TMEM132C: variants seen among roughly 807,000 people sequenced by gnomAD.
The protein encoded by TMEM132C is transmembrane protein 132C.
In TMEM132C, 29 loss-of-function variants were observed where a neutral mutation model predicts 61.4. The observed-to-expected ratio is 0.47, with a 90% CI of 0.35 to 0.64. The LOEUF (loss-of-function observed/expected upper bound fraction) is 0.64, where lower values mean the gene tolerates loss of function less well. TMEM132C is among the 30% of genes least tolerant of loss of function. The probability of loss-of-function intolerance (pLI) is 0.00; values close to 1 mark genes in which losing one functional copy is unlikely to be tolerated. For missense variants in TMEM132C, 1,408 were observed against 1,476.9 expected (o/e 0.95, Z 0.76); for synonymous variants, 656 against 633.1 (o/e 1.04, Z -0.54).
At chr12:128,683,200 T>C (rs549307078) in intron 5 of TMEM132C, among the ~76,000 whole-genome samples, 24 of 152,284 alleles carry the variant, frequency 1.6e-4, no homozygotes, top group African/African-American at 5.8e-4. Flanking sequence ...GGCTAATATG[T>C]TCTGTCTGCC....
intron 1 of TMEM132C, among the ~76,000 whole-genome samples, chr12:128,371,058 A>G (rs535839196): frequency 1.4e-4 from 21 of 152,270 alleles, no homozygotes; most frequent in Non-Finnish European, 3.1e-4. Flanking sequence ...TCTAACCAGC[A>G]TGCACAGGAG....
At chr12:128,684,832 A>C (rs1260194338) in intron 5 of TMEM132C, among the ~76,000 whole-genome samples, 1 of 152,164 alleles carries the variant, frequency 6.6e-6, no homozygotes, top group Admixed American at 6.5e-5. Context: ...GCTATAATGC[A>C]CTTTAGTAAT....
chr12:128,542,147 CTG>C (rs1873781253), intron 2 of TMEM132C, among the ~76,000 whole-genome samples: 2 of 152,260 alleles, frequency 1.3e-5, no homozygotes, highest in South Asian at 4.1e-4. Context: ...TTGGTAGAAA[CTG>C]TGTTGGTTGT....
rs955381505 is a variant in TMEM132C, at chr12:128,338,534, G to A, written c.85+71047G>A. On this transcript the variant is annotated intron_variant, in intron 1 of 8. Coordinates refer to ENST00000435159, the MANE Select transcript of TMEM132C (RefSeq NM_001136103.3). The stretch of plus-strand genomic sequence containing the variant: ...GATCTTTGCCATTCTGCTCACCAGC[G>A]TGTCGCATGCCAAGGACAGAGCTGA... 4.6e-5 allele frequency among the ~76,000 whole-genome samples: 7 copies of A among 151,984 alleles called. No homozygotes were observed. In the East Asian group the frequency reaches 1.4e-3, roughly 29 times the overall value.
intron 2 of TMEM132C, among the ~76,000 whole-genome samples, chr12:128,441,544 G>A (rs908532178): frequency 2.6e-5 from 4 of 152,270 alleles, no homozygotes; most frequent in African/African-American, 4.8e-5. Flanking sequence ...TGGGAGACTC[G>A]GTGGCATGCC....
intron 1 of TMEM132C, chr12:128,399,851 A>T (rs1269907243): frequency 2.0e-5 from 3 of 152,084 alleles, no homozygotes; most frequent in Non-Finnish European, 4.4e-5. Context: ...TGTTTTTGAC[A>T]TGTGAAATTC....
At chr12:128,560,595 A>G (rs1350518016) in intron 3 of TMEM132C, among the ~76,000 whole-genome samples, 1 of 152,150 alleles carries the variant, frequency 6.6e-6, no homozygotes, top group Non-Finnish European at 1.5e-5. Flanking sequence ...TTATTTCTAG[A>G]ACTCACCTGT....
At chr12:128,583,744 C>A (rs543005609) in intron 3 of TMEM132C, among the ~76,000 whole-genome samples, 10 of 152,300 alleles carry the variant, frequency 6.6e-5, no homozygotes, top group African/African-American at 2.4e-4. Context: ...ACAGCAGCCG[C>A]CCCCCGCCCC....
chr12:128,572,364 C>A (rs1396346199), intron 3 of TMEM132C, among the ~76,000 whole-genome samples: 1 of 151,824 alleles, frequency 6.6e-6, no homozygotes, highest in African/African-American at 2.4e-5. Flanking sequence ...CTACTTGTGG[C>A]CTCTGCTGAT....
At chr12:128,512,539 T>C (rs137875207) in intron 2 of TMEM132C, among the ~76,000 whole-genome samples, 19 of 152,294 alleles carry the variant, frequency 1.2e-4, no homozygotes, top group African/African-American at 4.6e-4. Flanking sequence ...AAATGTCTGT[T>C]ATTAAAAAGA....
intron 2 of TMEM132C, among the ~76,000 whole-genome samples, chr12:128,469,526 A>G (rs1324969920): frequency 2.0e-5 from 3 of 152,022 alleles, no homozygotes; most frequent in Non-Finnish European, 4.4e-5. Context: ...TATGTTGCCC[A>G]GGCTGATCTC....
At chr12:128,581,190 T>C (rs1204643303) in intron 3 of TMEM132C, among the ~76,000 whole-genome samples, 7 of 151,988 alleles carry the variant, frequency 4.6e-5, no homozygotes, top group South Asian at 2.1e-4. Context: ...AATGCGGATA[T>C]GTGTGGGCTC....
chr12:128,548,406 C>G (rs1476419184), intron 3 of TMEM132C, among the ~76,000 whole-genome samples: 1 of 152,168 alleles, frequency 6.6e-6, no homozygotes, highest in African/African-American at 2.4e-5. Flanking sequence ...GCCATAGTCC[C>G]CATTCCACCC....
intron 1 of TMEM132C, among the ~76,000 whole-genome samples, chr12:128,335,491 G>A (rs927540433): frequency 2.6e-5 from 4 of 152,156 alleles, no homozygotes; most frequent in Non-Finnish European, 5.9e-5. Flanking sequence ...TATATTGAAT[G>A]GGGCCAAGGA....
At chr12:128,556,371 A>C (rs1442329274) in intron 3 of TMEM132C, among the ~76,000 whole-genome samples, 1 of 152,218 alleles carries the variant, frequency 6.6e-6, no homozygotes, top group African/African-American at 2.4e-5. Flanking sequence ...TGTGTAGGAC[A>C]TGGCGCCCAT....
chr12:128,521,071 C>A (rs939882790), intron 2 of TMEM132C, among the ~76,000 whole-genome samples: 4 of 152,058 alleles, frequency 2.6e-5, no homozygotes, highest in African/African-American at 9.7e-5. Flanking sequence ...GCGTTTCTCT[C>A]CTCTTTCTTT....
At chr12:128,498,634 C>T (rs1273568274) in intron 2 of TMEM132C, among the ~76,000 whole-genome samples, 1 of 151,930 alleles carries the variant, frequency 6.6e-6, no homozygotes, top group Non-Finnish European at 1.5e-5. Flanking sequence ...GGGATCATGC[C>T]ACTGCACTCC....
chr12:128,625,595 G>A (rs1954007717), intron 4 of TMEM132C, among the ~76,000 whole-genome samples: 1 of 152,182 alleles, frequency 6.6e-6, no homozygotes, highest in Admixed American at 6.5e-5. Context: ...CAAGTGAAAG[G>A]GGAAACCCCT....
At chr12:128,592,990 CT>C (rs1875809468) in intron 3 of TMEM132C, among the ~76,000 whole-genome samples, 1 of 152,214 alleles carries the variant, frequency 6.6e-6, no homozygotes, top group Admixed American at 6.5e-5. Flanking sequence ...CTCTCTCTTT[CT>C]TTCTCTCTCT....
Sources: allele counts gnomAD v4.1 joint callset (sites outside exome capture counted in the v4.1 genomes callset), GRCh38; gene constraint gnomAD v4.1.1; transcripts MANE v1.5; gene names NCBI Gene and HGNC (gene_info 2026-07-23, HGNC 2026-07-21).